The following CACNA1C variants were observed in gnomAD, a reference collection of about 807,000 sequenced individuals.
CACNA1C encodes the protein voltage-dependent L-type calcium channel subunit alpha-1C.
A neutral mutation model predicts 229.0 loss-of-function variants in CACNA1C; 30 were observed. The observed-to-expected ratio is 0.13, with a 90% CI of 0.10 to 0.18. The LOEUF is 0.18. CACNA1C is among the 10% of genes least tolerant of loss of function. The pLI is 1.00. For synonymous variants in CACNA1C, 1,114 were observed against 1,132.5 expected, an observed-to-expected ratio of 0.98 and a Z score of 0.33; for missense variants, 1,658 against 2,845.0, an observed-to-expected ratio of 0.58 and a Z score of 9.49.
At chr12:2,018,829 G>GA (rs1201547742) in intron 1 of CACNA1C, among the ~76,000 whole-genome samples, 1 of 152,210 alleles carries the variant, frequency 6.6e-6, no homozygotes, top group African/African-American at 2.4e-5. Context: ...TGATGAAACA[G>GA]AAGACAGAAC....
At chr12:2,347,686 C>T (rs1015384177) in intron 3 of CACNA1C, among the ~76,000 whole-genome samples, 7 of 152,258 alleles carry the variant, frequency 4.6e-5, no homozygotes, top group Admixed American at 3.9e-4. Context: ...GAGGGTTTGC[C>T]TTATGGGATT....
intron 3 of CACNA1C, among the ~76,000 whole-genome samples, chr12:2,442,140 T>G (rs1005297407): frequency 2.0e-5 from 3 of 152,246 alleles, no homozygotes; most frequent in Non-Finnish European, 4.4e-5. Context: ...ATTATTATTC[T>G]CATTCTTGAG....
chr12:2,189,838 A>G (rs536197392), intron 3 of CACNA1C, among the ~76,000 whole-genome samples: 22 of 152,302 alleles, frequency 1.4e-4, no homozygotes, highest in African/African-American at 4.8e-4. Context: ...ACTTGAGGCA[A>G]TTATCTACAG....
rs141209497 is a variant in CACNA1C, at chr12:2,274,572, T to G, written c.477+154142T>G. Among the ~76,000 whole-genome samples, 312 of 152,260 alleles carry G rather than the reference T, an allele frequency of 2.0e-3. 2 individuals carry two copies. The highest frequency in any genetic ancestry group is 7.1e-3 in the African/African-American group (297 of 41,544). Reference sequence around the variant, plus strand: ...TCAGAAAGCAAACCAGGGAGTGGCTTCCCGACGTGCACGGTTTCTAATTCA... The same window carrying G: ...TCAGAAAGCAAACCAGGGAGTGGCTGCCCGACGTGCACGGTTTCTAATTCA... On this transcript the variant is annotated intron_variant, in intron 3 of 46. Transcript: ENST00000399655.
Position 2,582,905 on chromosome 12 carries a change from C to T in CACNA1C, c.2187C>T (p.Val729=). The change falls in exon 15 of 47, where the codon GTC becomes GTT. Residue 729 remains valine (V), a synonymous_variant. Coordinates refer to ENST00000399655, the MANE Select transcript of CACNA1C (RefSeq NM_000719.7). ...YGGPSFPGML[V]CIYFIILFIC... is the part of the protein sequence containing the mutation. ...GCCCCTCTTTTCCAGGGATGTTAGT[C>T]TGTATTTACTTCATCATCCTCTTCA... 6.3e-7 allele frequency: 1 copy of T among 1,598,288 alleles called. No individual in the cohort carries two copies. Among genetic ancestry groups the T allele is most frequent in the Non-Finnish European group, 8.5e-7 (1 of 1,171,328 alleles).
intron 1 of CACNA1C, among the ~76,000 whole-genome samples, chr12:2,020,895 AG>A (rs1357115870): frequency 2.6e-5 from 4 of 152,172 alleles, no homozygotes; most frequent in Non-Finnish European, 1.5e-5. Context: ...TGAATTAGAA[AG>A]TTCTTCCCTG....
chr12:2,363,442 G>A (rs147219690), intron 3 of CACNA1C, among the ~76,000 whole-genome samples: 5 of 152,246 alleles, frequency 3.3e-5, no homozygotes, highest in South Asian at 4.1e-4. Flanking sequence ...TTACCAACCC[G>A]TACTCACAAA....
At chr12:2,176,689 C>T (rs1238796315) in intron 3 of CACNA1C, among the ~76,000 whole-genome samples, 5 of 152,122 alleles carry the variant, frequency 3.3e-5, no homozygotes, top group Admixed American at 6.5e-5. Flanking sequence ...ATAGCATTCT[C>T]GAGCGCTTCA....
intron 3 of CACNA1C, among the ~76,000 whole-genome samples, chr12:2,158,449 T>G (rs1176798447): frequency 1.3e-5 from 2 of 152,010 alleles, no homozygotes; most frequent in Non-Finnish European, 2.9e-5. Flanking sequence ...TGGTGGTACG[T>G]GCCTGTAGTC....
At chr12:2,233,375 C>T (rs1043464895) in intron 3 of CACNA1C, among the ~76,000 whole-genome samples, 4 of 152,148 alleles carry the variant, frequency 2.6e-5, no homozygotes, top group African/African-American at 7.2e-5. Flanking sequence ...TGTGTTGGGC[C>T]TTGTGATAGG....
chr12:2,562,177 G>T (rs190410414), intron 11 of CACNA1C, among the ~76,000 whole-genome samples: 59 of 151,926 alleles, frequency 3.9e-4, no homozygotes, highest in Non-Finnish European at 8.1e-4. Context: ...CTCCTCAGGG[G>T]TCTGTGCAGA....
At chr12:2,245,983 A>G (rs887716256) in intron 3 of CACNA1C, among the ~76,000 whole-genome samples, 2 of 152,188 alleles carry the variant, frequency 1.3e-5, no homozygotes, top group African/African-American at 4.8e-5. Flanking sequence ...CACTACCTGC[A>G]TGTTGTTGCT....
chr12:2,310,710 G>A (rs966266415), intron 3 of CACNA1C, among the ~76,000 whole-genome samples: 3 of 152,148 alleles, frequency 2.0e-5, no homozygotes, highest in Non-Finnish European at 4.4e-5. Flanking sequence ...CGACTCACAG[G>A]GTTCTTTCAT....
chr12:2,520,959 A>G (rs2099808577), intron 9 of CACNA1C, among the ~76,000 whole-genome samples: 4 of 152,252 alleles, frequency 2.6e-5, no homozygotes, highest in Admixed American at 2.6e-4. Context: ...TTAGATCAGC[A>G]TAAAGGTGCC....
intron 1 of CACNA1C, among the ~76,000 whole-genome samples, chr12:2,102,294 A>G (rs991351555): frequency 1.3e-5 from 2 of 152,232 alleles, no homozygotes; most frequent in African/African-American, 4.8e-5. Context: ...CCTCCTGGCA[A>G]CACTGTACTA....
intron 5 of CACNA1C, among the ~76,000 whole-genome samples, chr12:2,461,955 C>A (rs2099508519): frequency 1.3e-5 from 2 of 152,154 alleles, no homozygotes; most frequent in East Asian, 3.9e-4. Flanking sequence ...ACAGCCAAGT[C>A]GGATCATGTT....
intron 3 of CACNA1C, among the ~76,000 whole-genome samples, chr12:2,360,669 G>A (rs1023731741): frequency 3.9e-5 from 6 of 152,126 alleles, no homozygotes; most frequent in African/African-American, 7.2e-5. Flanking sequence ...ACCTCTCCCC[G>A]TTGCAGTTTC....
At chr12:2,648,371 C>T (rs2094558141) in intron 30 of CACNA1C, 104 bp from the exon 31 acceptor site, 5 of 1,060,826 alleles carry the variant, frequency 4.7e-6, no homozygotes, top group South Asian at 2.5e-5. Flanking sequence ...TTCCTTTTGC[C>T]CTCTTCTGCC....
At chr12:2,330,887 G>T (rs191358784) in intron 3 of CACNA1C, among the ~76,000 whole-genome samples, 1 of 152,280 alleles carries the variant, frequency 6.6e-6, no homozygotes, top group Admixed American at 6.5e-5. Context: ...AGAAAATAGA[G>T]TATCAAATGT....
Sources: allele counts gnomAD v4.1 joint callset (sites outside exome capture counted in the v4.1 genomes callset), GRCh38; gene constraint gnomAD v4.1.1; transcripts MANE v1.5; gene names NCBI Gene and HGNC (gene_info 2026-07-23, HGNC 2026-07-21).